ENTREP2: variants seen among roughly 807,000 people sequenced by gnomAD.
The protein encoded by ENTREP2 is endosomal transmembrane epsin interactor 2.
the ENTREP2 span, among the ~76,000 whole-genome samples, chr15:29,231,071 T>C: frequency 6.6e-6 from 1 of 152,156 alleles, no homozygotes; most frequent in African/African-American, 2.4e-5. Flanking sequence ...AATGTGAGCC[T>C]GCAACGTGAA....
chr15:29,268,745 T>A, the ENTREP2 span: 2 of 1,546,884 alleles, frequency 1.3e-6, no homozygotes, highest in African/African-American at 1.4e-5. Context: ...AAACTGTGCC[T>A]TTGGGTCTCA....
chr15:29,379,335 T>G, the ENTREP2 span, among the ~76,000 whole-genome samples: 1 of 152,180 alleles, frequency 6.6e-6, no homozygotes, highest in African/African-American at 2.4e-5. Flanking sequence ...GGGGCCAGGG[T>G]AGCCTTGCCC....
At chr15:29,571,965 CGT>C in the ENTREP2 span, among the ~76,000 whole-genome samples, 1 of 152,102 alleles carries the variant, frequency 6.6e-6, no homozygotes, top group African/African-American at 2.4e-5. Context: ...ACCATTCTTC[CGT>C]GTCTTTCTAG....
chr15:29,390,755 C>T, the ENTREP2 span, among the ~76,000 whole-genome samples: 1 of 152,196 alleles, frequency 6.6e-6, no homozygotes, highest in African/African-American at 2.4e-5. Flanking sequence ...TCTTTTACTT[C>T]CTAAAATCAA....
chr15:29,212,964 T>C, the ENTREP2 span, among the ~76,000 whole-genome samples: 1 of 152,262 alleles, frequency 6.6e-6, no homozygotes, highest in Non-Finnish European at 1.5e-5. Context: ...AATTAGATTT[T>C]GTATAAGGTG....
the ENTREP2 span, among the ~76,000 whole-genome samples, chr15:29,315,105 A>G: frequency 6.6e-6 from 1 of 152,230 alleles, no homozygotes; most frequent in Non-Finnish European, 1.5e-5. Flanking sequence ...TTTTGAATAA[A>G]TGGAAAGAAA....
chr15:29,292,653 T>C, the ENTREP2 span, among the ~76,000 whole-genome samples: 1 of 152,196 alleles, frequency 6.6e-6, no homozygotes, highest in Non-Finnish European at 1.5e-5. Context: ...AGTGCTGGGA[T>C]TACAAGCATG....
chr15:29,335,664 G>A, the ENTREP2 span, among the ~76,000 whole-genome samples: 6 of 152,152 alleles, frequency 3.9e-5, no homozygotes, highest in East Asian at 1.9e-4. Flanking sequence ...GCCAGGGGTC[G>A]CTGCCCCAGC....
chr15:29,561,447 G>T, the ENTREP2 span, among the ~76,000 whole-genome samples: 1 of 152,140 alleles, frequency 6.6e-6, no homozygotes, highest in Non-Finnish European at 1.5e-5. Context: ...CCGCACTTTG[G>T]GAGGCTGAGG....
the ENTREP2 span, among the ~76,000 whole-genome samples, chr15:29,649,032 G>C: frequency 7.3e-5 from 11 of 150,280 alleles, no homozygotes; most frequent in Admixed American, 7.3e-4. Context: ...GCCCTTACCA[G>C]AGCTGATGCC....
the ENTREP2 span, among the ~76,000 whole-genome samples, chr15:29,135,517 G>A: frequency 6.6e-6 from 1 of 152,066 alleles, no homozygotes; most frequent in African/African-American, 2.4e-5. This position sits in a 1 kb window ranked among gnomAD's most constrained non-coding sequence, Gnocchi z 7.4. Context: ...ACTGAGTCAT[G>A]ACAACAACGA....
chr15:29,165,229 G>A, the ENTREP2 span, among the ~76,000 whole-genome samples: 1 of 151,974 alleles, frequency 6.6e-6, no homozygotes, highest in South Asian at 2.1e-4. Context: ...GACTGAAAGG[G>A]CACACACTGA....
chr15:29,347,345 T>C, the ENTREP2 span, among the ~76,000 whole-genome samples: 1 of 152,096 alleles, frequency 6.6e-6, no homozygotes, highest in African/African-American at 2.4e-5. Context: ...TTTTATTTTA[T>C]TTTTTATAGA....
the ENTREP2 span, among the ~76,000 whole-genome samples, chr15:29,206,108 T>G: frequency 1.3e-5 from 2 of 152,002 alleles, no homozygotes; most frequent in African/African-American, 4.8e-5. Context: ...ACAGACGGGG[T>G]GGCTTATAAA....
chr15:29,382,637 G>A, the ENTREP2 span, among the ~76,000 whole-genome samples: 22 of 151,924 alleles, frequency 1.4e-4, no homozygotes, highest in Admixed American at 3.9e-4. Flanking sequence ...CCTCCCTACT[G>A]TCCTGATCAC....
At chr15:29,159,299 G>A in the ENTREP2 span, among the ~76,000 whole-genome samples, 280 of 152,226 alleles carry the variant, frequency 1.8e-3, 1 homozygote, top group African/African-American at 6.4e-3. Flanking sequence ...ATAGGTTCGT[G>A]GTCTCGCTGG....
the ENTREP2 span, among the ~76,000 whole-genome samples, chr15:29,293,044 T>C: frequency 0.62 from 93,745 of 152,096 alleles, 29,514 homozygotes; most frequent in Middle Eastern, 0.69. Flanking sequence ...TCAAAGATAA[T>C]GGCACAAAAA....
the ENTREP2 span, among the ~76,000 whole-genome samples, chr15:29,549,307 T>C: frequency 6.6e-6 from 1 of 151,310 alleles, no homozygotes; most frequent in South Asian, 2.1e-4. Context: ...TCTCACTCTG[T>C]AGCCCAGGCT....
At chr15:29,211,830 A>G in the ENTREP2 span, among the ~76,000 whole-genome samples, 1 of 152,008 alleles carries the variant, frequency 6.6e-6, no homozygotes, top group African/African-American at 2.4e-5. Context: ...TATGAAACCC[A>G]CTTGGTCATG....
Sources: allele counts gnomAD v4.1 joint callset (sites outside exome capture counted in the v4.1 genomes callset), GRCh38; gene constraint gnomAD v4.1.1; non-coding constraint Gnocchi (gnomAD v3.1); transcripts MANE v1.5; gene names NCBI Gene and HGNC (gene_info 2026-07-23, HGNC 2026-07-21).